Variants in EYS observed in about 807,000 individuals in gnomAD.
EYS encodes the protein EGF-like photoreceptor maintenance factor, also known as protein eyes shut homolog.
EYS carries 250 observed loss-of-function variants against 282.1 expected under a neutral mutation model. The observed-to-expected ratio is 0.89, with a 90% confidence interval of 0.80 to 0.98. The LOEUF is 0.98. Ranked by LOEUF, EYS falls within the 50% of genes least tolerant of loss-of-function variation. The probability of loss-of-function intolerance (pLI) is 0.00; values close to 1 mark genes in which losing one functional copy is unlikely to be tolerated. For missense variants in EYS, 4,016 were observed against 3,709.0 expected (o/e 1.08, Z -2.15); for synonymous variants, 1,355 against 1,282.9 (o/e 1.06, Z -1.20).
chr6:64,331,300 C>G (rs1770637218), intron 29 of EYS, among the ~76,000 whole-genome samples: 1 of 152,076 alleles, frequency 6.6e-6, no homozygotes, highest in African/African-American at 2.4e-5. Flanking sequence ...TAGAGCAGCT[C>G]TTAGAAGCCA....
At chr6:65,414,017 T>C (rs1451242385) in intron 5 of EYS, among the ~76,000 whole-genome samples, 1 of 152,186 alleles carries the variant, frequency 6.6e-6, no homozygotes, top group African/African-American at 2.4e-5. Flanking sequence ...GTAATTCTGT[T>C]TGTTTTGTTG....
chr6:65,064,155 T>G (rs2150161330), intron 12 of EYS, among the ~76,000 whole-genome samples: 1 of 144,200 alleles, frequency 6.9e-6, no homozygotes, highest in East Asian at 2.0e-4. Flanking sequence ...ATAGTATATA[T>G]AACATATATA....
intron 28 of EYS, among the ~76,000 whole-genome samples, chr6:64,413,578 T>TA (rs549215538): frequency 6.9e-6 from 1 of 144,426 alleles, no homozygotes; most frequent in Non-Finnish European, 1.5e-5. Flanking sequence ...AAAAAAAACC[T>TA]CCCCTCCCAA....
At chr6:64,316,109 T>A (rs1203102822) in intron 29 of EYS, among the ~76,000 whole-genome samples, 1 of 152,122 alleles carries the variant, frequency 6.6e-6, no homozygotes, top group Non-Finnish European at 1.5e-5. Flanking sequence ...ACAGCCAATA[T>A]CATACTGAAT....
At chr6:63,977,119 A>T (rs1766873285) in intron 35 of EYS, among the ~76,000 whole-genome samples, 1 of 151,738 alleles carries the variant, frequency 6.6e-6, no homozygotes, top group South Asian at 2.1e-4. Context: ...GCTAAATATT[A>T]TTATATATTA....
In EYS at chr6:64,626,244, A is replaced by T. The variant is rs1340055669; in HGVS notation, c.3445T>A (p.Cys1149Ser). ...AATTGACCAGAAAATCCAGGAAGAC[A>T]TCTAAGGAAAAAAAATGAAAACGAT... ...DGPGHTFDCR[C>S]LPGFSGQFCE... The change falls in exon 23 of 43, where the codon TGT becomes AGT. Residue 1149 changes from cysteine to serine, a missense_variant and splice_region_variant. Transcript: ENST00000503581. 2 of 1,522,244 alleles carry T rather than the reference A, an allele frequency of 1.3e-6. No homozygotes were observed. Among genetic ancestry groups the T allele is most frequent in the Non-Finnish European group, 1.8e-6 (2 of 1,138,572 alleles). 94.3% of individuals were successfully genotyped at this position (1,522,244 alleles called of 1,614,324 possible).
At chr6:64,832,331 C>T (rs1765245979) in intron 19 of EYS, among the ~76,000 whole-genome samples, 1 of 151,342 alleles carries the variant, frequency 6.6e-6, no homozygotes, top group Non-Finnish European at 1.5e-5. Flanking sequence ...CTGTTTAGTT[C>T]CTAGGTTCTG....
At chr6:65,102,672 TCA>T (rs1774928378) in intron 12 of EYS, among the ~76,000 whole-genome samples, 1 of 151,380 alleles carries the variant, frequency 6.6e-6, no homozygotes, top group African/African-American at 2.4e-5. Context: ...CTTGATAATT[TCA>T]CACAGAGAAA....
intron 12 of EYS, among the ~76,000 whole-genome samples, chr6:65,292,386 A>T (rs1473521047): frequency 6.6e-6 from 1 of 151,692 alleles, no homozygotes; most frequent in East Asian, 1.9e-4. Flanking sequence ...TATTCAAAGT[A>T]TAGAGACTGG....
At chr6:65,314,801 A>C (rs1769256956) in intron 11 of EYS, among the ~76,000 whole-genome samples, 1 of 152,098 alleles carries the variant, frequency 6.6e-6, no homozygotes, top group Admixed American at 6.5e-5. Flanking sequence ...TTCATGGAAT[A>C]AGTTTCTGAA....
At chr6:63,938,017 A>G (rs994021438) in intron 35 of EYS, among the ~76,000 whole-genome samples, 1 of 152,240 alleles carries the variant, frequency 6.6e-6, no homozygotes, top group Non-Finnish European at 1.5e-5. Context: ...ATTTCTCACT[A>G]CAAAATAATG....
chr6:65,315,082 G>T (rs1249329187), intron 11 of EYS, among the ~76,000 whole-genome samples: 1 of 151,944 alleles, frequency 6.6e-6, no homozygotes, highest in Non-Finnish European at 1.5e-5. Flanking sequence ...TAGCCATAGG[G>T]ATACATTAAT....
intron 22 of EYS, among the ~76,000 whole-genome samples, chr6:64,705,695 GA>G (rs1398758099): frequency 6.6e-6 from 1 of 151,474 alleles, no homozygotes; most frequent in Non-Finnish European, 1.5e-5. Context: ...GATGAAATTG[GA>G]AATCGTCATT....
At chr6:64,702,226 C>CA (rs1158585482) in intron 22 of EYS, among the ~76,000 whole-genome samples, 10 of 151,702 alleles carry the variant, frequency 6.6e-5, no homozygotes, top group African/African-American at 1.9e-4. Flanking sequence ...TTTACAAATA[C>CA]AAAAAAAGAA....
chr6:64,439,041 T>A (rs1263332113), intron 27 of EYS, 121 bp downstream of exon 27: 2 of 448,092 alleles, frequency 4.5e-6, no homozygotes, highest in Non-Finnish European at 7.6e-6. Flanking sequence ...GGAAGAGACA[T>A]CCTGGTGGTG....
intron 35 of EYS, among the ~76,000 whole-genome samples, chr6:63,896,964 G>A (rs1030373237): frequency 6.6e-6 from 1 of 152,054 alleles, no homozygotes; most frequent in Non-Finnish European, 1.5e-5. Context: ...CTGCTTCCAA[G>A]TTTTGGAAAT....
At chr6:65,422,273 T>A (rs1767495734) in intron 5 of EYS, among the ~76,000 whole-genome samples, 2 of 152,050 alleles carry the variant, frequency 1.3e-5, no homozygotes, top group South Asian at 4.1e-4. Flanking sequence ...GCTTCCAATC[T>A]AATCTCAAGA....
chr6:64,234,293 C>A (rs1291043532), intron 30 of EYS, among the ~76,000 whole-genome samples: 1 of 151,620 alleles, frequency 6.6e-6, no homozygotes, highest in Non-Finnish European at 1.5e-5. Flanking sequence ...ATACTCTAAA[C>A]ACATACTTCA....
Position 65,384,868 on chromosome 6 carries a change from T to G in EYS, c.1185-368A>C, listed in dbSNP as rs961350158. On this transcript the variant is annotated intron_variant, in intron 7 of 42. Transcript: ENST00000503581. Reference sequence around the variant, plus strand: ...GTAGAGCCAGTATATACTGATGATGTGCTAGCAGGAGTTAATGATGACTAC... The same window carrying G: ...GTAGAGCCAGTATATACTGATGATGGGCTAGCAGGAGTTAATGATGACTAC... 3.3e-5 allele frequency among the ~76,000 whole-genome samples: 5 copies of G among 152,022 alleles called. 1 individual carries two copies. The highest frequency in any genetic ancestry group is 7.4e-5 in the Non-Finnish European group (5 of 67,888).
Sources: gnomAD v4.1 joint callset for allele counts (sites outside exome capture counted in the v4.1 genomes callset) on GRCh38, gnomAD v4.1.1 for gene constraint, MANE v1.5 for transcripts, NCBI Gene and HGNC (gene_info 2026-07-23, HGNC 2026-07-21) for gene names.